The following LRRC8D variants were observed in gnomAD, a reference collection of about 807,000 sequenced individuals.
LRRC8D encodes leucine rich repeat containing 8 VRAC subunit D.
In LRRC8D, 20 loss-of-function variants were observed where a neutral mutation model predicts 55.8. That is an observed-to-expected ratio of 0.36 (90% CI 0.25 to 0.52). The LOEUF (loss-of-function observed/expected upper bound fraction) is 0.52. LRRC8D is among the 20% of genes least tolerant of loss of function. The pLI is 0.93. For missense variants in LRRC8D, 651 were observed against 1,030.8 expected (o/e 0.63, Z 5.05); for synonymous variants, 352 against 377.0 (o/e 0.93, Z 0.77).
At chr1:89,889,007 A>C (rs1662494211) in intron 2 of LRRC8D, among the ~76,000 whole-genome samples, 1 of 152,174 alleles carries the variant, frequency 6.6e-6, no homozygotes, top group Non-Finnish European at 1.5e-5. Context: ...CATTTCCTTA[A>C]GTGTGGGCTG....
rs1234559042 is a variant in LRRC8D at position 89,911,122 on chromosome 1, TG to T, written c.-2-21943del. 9.9e-5 allele frequency among the ~76,000 whole-genome samples: 15 copies of T among 152,218 alleles called. No individual in the cohort carries two copies. The East Asian group carries it at 2.7e-3, about 27-fold the overall frequency. Reference sequence around the variant, plus strand: ...GCGGGTGAGAAAGCCTGACACTGCTTGGATTACTTGAATATATACAGAGCTA... The same window carrying T: ...GCGGGTGAGAAAGCCTGACACTGCTTGATTACTTGAATATATACAGAGCTA... On this transcript the variant is annotated intron_variant, in intron 2 of 2. Transcript: ENST00000337338. This position sits in a 1 kb window ranked among gnomAD's most constrained non-coding sequence, Gnocchi z 4.0.
intron 2 of LRRC8D, among the ~76,000 whole-genome samples, chr1:89,903,903 C>T (rs1287015657): frequency 6.6e-6 from 1 of 152,024 alleles, no homozygotes; most frequent in Non-Finnish European, 1.5e-5. Flanking sequence ...CTCTTAATAC[C>T]TCTGGTATCT....
chr1:89,847,753 T>G (rs1040496344), intron 2 of LRRC8D, among the ~76,000 whole-genome samples: 2 of 152,356 alleles, frequency 1.3e-5, no homozygotes, highest in Admixed American at 1.3e-4. Flanking sequence ...ATTAAAAGAT[T>G]TCAACGATCT....
chr1:89,863,637 G>T lies in LRRC8D; in HGVS notation c.-3+19855G>T, dbSNP rs1401840512. On this transcript the variant is annotated intron_variant, in intron 2 of 2. Transcript: ENST00000337338. The stretch of plus-strand genomic sequence containing the variant: ...GCCAGACATGAATTTCCTTTCATGT[G>T]ATATTTTCTGTGGTCTGTGTTATTT... Among the ~76,000 whole-genome samples, 3 of 148,392 alleles carry T rather than the reference G, an allele frequency of 2.0e-5. No homozygotes were observed. The East Asian group carries it at 5.8e-4, about 29-fold the overall frequency.
intron 2 of LRRC8D, chr1:89,846,559 C>G (rs905815553): frequency 6.6e-6 from 1 of 152,182 alleles, no homozygotes; most frequent in African/African-American, 2.4e-5. Flanking sequence ...AGTGCTGATT[C>G]AGGTGGTCCT....
chr1:89,914,540 A>G (rs1251844238), intron 2 of LRRC8D, among the ~76,000 whole-genome samples: 1 of 152,134 alleles, frequency 6.6e-6, no homozygotes, highest in South Asian at 2.1e-4. Flanking sequence ...TTGCCTAAAA[A>G]TATCTATACT....
rs1239103309 is a variant in LRRC8D, at chr1:89,935,120, A to G, written c.2052A>G (p.Arg684=). Residue 684 remains arginine, a synonymous_variant, in exon 3 of 3, where the codon CGA becomes CGG. Transcript: ENST00000337338. Reference sequence around the variant, plus strand: ...TCATCAGTTTCCAGCATTTAAAACGACTGACTTGTTTAAAATTATGGCATA... The same window carrying G: ...TCATCAGTTTCCAGCATTTAAAACGGCTGACTTGTTTAAAATTATGGCATA... The part of the protein sequence containing the change: ...EEIISFQHLK[R]LTCLKLWHNK... 1 of 1,614,210 alleles carries G rather than the reference A, an allele frequency of 6.2e-7. No homozygotes were observed. The highest frequency in any genetic ancestry group is 1.7e-5 in the Admixed American group (1 of 60,030).
At chr1:89,887,152 C>T (rs1662438961) in intron 2 of LRRC8D, among the ~76,000 whole-genome samples, 1 of 152,086 alleles carries the variant, frequency 6.6e-6, no homozygotes, top group African/African-American at 2.4e-5. Flanking sequence ...CCTCAGATAT[C>T]TTGAAGGGTC....
At chr1:89,902,622 C>T (rs563507270) in intron 2 of LRRC8D, among the ~76,000 whole-genome samples, 121 of 151,952 alleles carry the variant, frequency 8.0e-4, no homozygotes, top group South Asian at 2.7e-3. Flanking sequence ...CTGCAAGCTC[C>T]GCCTCCTAGG....
At chr1:89,925,871 G>C (rs1663550932) in intron 2 of LRRC8D, among the ~76,000 whole-genome samples, 1 of 152,158 alleles carries the variant, frequency 6.6e-6, no homozygotes, top group Non-Finnish European at 1.5e-5. Flanking sequence ...TCTTCCTTAT[G>C]GCCTGGGCAC....
At chr1:89,907,642 C>G (rs1663030563) in intron 2 of LRRC8D, among the ~76,000 whole-genome samples, 1 of 152,174 alleles carries the variant, frequency 6.6e-6, no homozygotes, top group Non-Finnish European at 1.5e-5. Context: ...TGATTTCCTT[C>G]TTTTCTCAGT....
At chr1:89,923,663 C>T (rs1663479742) in intron 2 of LRRC8D, among the ~76,000 whole-genome samples, 1 of 152,172 alleles carries the variant, frequency 6.6e-6, no homozygotes, top group Non-Finnish European at 1.5e-5. Context: ...GGAGATATCA[C>T]ATTATGTGAC....
intron 2 of LRRC8D, among the ~76,000 whole-genome samples, chr1:89,899,980 C>T (rs559200532): frequency 1.4e-4 from 21 of 152,170 alleles, no homozygotes; most frequent in African/African-American, 1.4e-4. Flanking sequence ...GGGAAACAAA[C>T]GTGAATGAAT....
At chr1:89,914,746 T>A (rs1465221130) in intron 2 of LRRC8D, among the ~76,000 whole-genome samples, 3 of 151,134 alleles carry the variant, frequency 2.0e-5, no homozygotes, top group South Asian at 2.1e-4. Flanking sequence ...TTTTTAAAAA[T>A]TTTTTACATA....
intron 1 of LRRC8D, among the ~76,000 whole-genome samples, chr1:89,823,856 G>A (rs1038778797): frequency 2.0e-5 from 3 of 152,178 alleles, no homozygotes; most frequent in Admixed American, 6.5e-5. Flanking sequence ...AGTATGCTGA[G>A]GGAGGAGTGG....
chr1:89,891,245 C>G (rs1662572868), intron 2 of LRRC8D, among the ~76,000 whole-genome samples: 1 of 152,170 alleles, frequency 6.6e-6, no homozygotes, highest in South Asian at 2.1e-4. Flanking sequence ...TGTACCTTGT[C>G]TATCCATTTG....
chr1:89,876,716 A>G (rs1173953355), intron 2 of LRRC8D, among the ~76,000 whole-genome samples: 8 of 152,210 alleles, frequency 5.3e-5, no homozygotes, highest in Admixed American at 5.2e-4. Context: ...ACATAGCCAC[A>G]TTCATTGGTT....
chr1:89,874,578 C>G (rs1334920745), intron 2 of LRRC8D, among the ~76,000 whole-genome samples: 1 of 151,438 alleles, frequency 6.6e-6, no homozygotes, highest in Non-Finnish European at 1.5e-5. Flanking sequence ...GAACAAAAAC[C>G]CATGCTTAGT....
chr1:89,898,414 G>T (rs956002019), intron 2 of LRRC8D, among the ~76,000 whole-genome samples: 1 of 152,170 alleles, frequency 6.6e-6, no homozygotes. Flanking sequence ...GCCAATCCTC[G>T]CAAATTCTAC....
Sources: gnomAD v4.1 joint callset for allele counts (sites outside exome capture counted in the v4.1 genomes callset) on GRCh38, gnomAD v4.1.1 for gene constraint, Gnocchi (gnomAD v3.1) non-coding constraint, MANE v1.5 for transcripts, NCBI Gene and HGNC (gene_info 2026-07-23, HGNC 2026-07-21) for gene names.